Variants in CSMD1 observed in about 807,000 individuals in gnomAD.
CSMD1 encodes CUB and sushi domain-containing protein 1.
In CSMD1, 213 loss-of-function variants were observed where a neutral mutation model predicts 417.5. The ratio of observed to expected loss-of-function variants is 0.51; its 90% CI spans 0.46 to 0.57. CSMD1 has a LOEUF of 0.57. Ranked by LOEUF, CSMD1 falls within the 20% of genes least tolerant of loss-of-function variation. The pLI is 0.00. For missense variants in CSMD1, 6,923 were observed against 4,529.7 expected (o/e 1.53, Z -15.17); for synonymous variants, 2,862 against 1,736.8 (o/e 1.65, Z -16.11).
intron 5 of CSMD1, among the ~76,000 whole-genome samples, chr8:3,982,184 TA>T (rs1563281287): frequency 7.8e-6 from 1 of 128,880 alleles, no homozygotes; most frequent in African/African-American, 2.7e-5. Flanking sequence ...ATAATAATAA[TA>T]ATAATATTAA....
intron 36 of CSMD1, among the ~76,000 whole-genome samples, chr8:3,185,517 G>A (rs1821694731): frequency 6.6e-6 from 1 of 152,100 alleles, no homozygotes; most frequent in Admixed American, 6.5e-5. Flanking sequence ...AGAACATTAG[G>A]TTAAAAACAA....
chr8:3,704,066 A>G (rs1801025298), intron 7 of CSMD1, among the ~76,000 whole-genome samples: 2 of 152,334 alleles, frequency 1.3e-5, no homozygotes, highest in Non-Finnish European at 2.9e-5. Context: ...GTGAAACTCC[A>G]TCTCAAAAAA....
chr8:4,695,492 G>A (rs979500256), intron 1 of CSMD1, among the ~76,000 whole-genome samples: 3 of 152,198 alleles, frequency 2.0e-5, no homozygotes, highest in East Asian at 1.9e-4. Context: ...GATTTATCTC[G>A]ATACCCTAAA....
chr8:4,272,215 G>C (rs1241434197), intron 3 of CSMD1, among the ~76,000 whole-genome samples: 1 of 151,980 alleles, frequency 6.6e-6, no homozygotes, highest in East Asian at 1.9e-4. Context: ...GTACTTTATG[G>C]CTTAGTACTA....
At chr8:3,753,435 T>C (rs1227674404) in intron 6 of CSMD1, among the ~76,000 whole-genome samples, 1 of 152,238 alleles carries the variant, frequency 6.6e-6, no homozygotes. Context: ...CTCCCCATTT[T>C]GCTCAGCTGC....
At chr8:4,681,845 C>T (rs542136319) in intron 1 of CSMD1, among the ~76,000 whole-genome samples, 24 of 152,108 alleles carry the variant, frequency 1.6e-4, no homozygotes, top group South Asian at 1.2e-3. Context: ...TTTTCTCCTC[C>T]GTAAGGTGAG....
intron 12 of CSMD1, among the ~76,000 whole-genome samples, chr8:3,458,206 G>C (rs925411880): frequency 1.3e-5 from 2 of 152,086 alleles, no homozygotes; most frequent in Admixed American, 6.5e-5. Flanking sequence ...AATGTAGCTG[G>C]AGCTAACGGG....
chr8:4,574,077 A>G lies in CSMD1; in HGVS notation c.302+63265T>C, dbSNP rs562368693. On this transcript the variant is annotated intron_variant, in intron 2 of 69. Coordinates refer to ENST00000635120, the MANE Select transcript of CSMD1 (RefSeq NM_033225.6). ...GCTGGACTCCATGGGGGTGGGACCC[A>G]CTGAGCAAGACCACTTGGCTCCCTG... Among the ~76,000 whole-genome samples, 14 of 152,196 alleles carry G rather than the reference A, an allele frequency of 9.2e-5. No individual in the cohort carries two copies. The South Asian group carries it at 2.7e-3, about 29-fold the overall frequency.
chr8:3,403,733 G>A (rs963445704), intron 15 of CSMD1, among the ~76,000 whole-genome samples: 3 of 152,100 alleles, frequency 2.0e-5, no homozygotes, highest in African/African-American at 4.8e-5. Context: ...AGTGAAATAT[G>A]CTTGGCTAGA....
At chr8:2,951,889 T>TA (rs1373209285) in intron 65 of CSMD1, among the ~76,000 whole-genome samples, 1 of 152,188 alleles carries the variant, frequency 6.6e-6, no homozygotes, top group African/African-American at 2.4e-5. Flanking sequence ...ATTCCATGAG[T>TA]AAGAAGAGAT....
intron 1 of CSMD1, among the ~76,000 whole-genome samples, chr8:4,818,279 T>C (rs558309196): frequency 6.6e-4 from 100 of 152,300 alleles, no homozygotes; most frequent in Non-Finnish European, 1.3e-3. Flanking sequence ...CACCCCGATT[T>C]AGTCTAGAAA....
intron 5 of CSMD1, among the ~76,000 whole-genome samples, chr8:3,754,811 G>A (rs1797566296): frequency 6.6e-6 from 1 of 152,264 alleles, no homozygotes; most frequent in African/African-American, 2.4e-5. Flanking sequence ...TGTTTCTCAT[G>A]CTTGGTAACA....
In CSMD1 at chr8:3,407,983, G is replaced by C. The variant is rs1269917142; in HGVS notation, c.1987C>G (p.Leu663Val). 9.9e-6 allele frequency: 16 copies of C among 1,613,764 alleles called. No homozygotes were observed. Among genetic ancestry groups the C allele is most frequent in the Non-Finnish European group, 1.4e-5 (16 of 1,179,872 alleles). ...CGAACTATATGCCCACTGCTGGCCA[G>C]CTGGGAAGGCACTTCATTGCCAGAA... is the stretch of plus-strand genomic sequence containing the variant. ...TFSGNEVPSQ[L>V]ASSGHIVRLE... The change falls in exon 14 of 70, where the codon CTG (leucine) becomes GTG (valine). Residue 663 changes from leucine to valine, a missense_variant. Physicochemically the swap from Leu to Val is conservative, Grantham distance 32. Coordinates refer to ENST00000635120, the MANE Select transcript of CSMD1 (RefSeq NM_033225.6).
intron 26 of CSMD1, among the ~76,000 whole-genome samples, chr8:3,247,120 G>T (rs538128016): frequency 6.6e-6 from 1 of 152,282 alleles, no homozygotes; most frequent in East Asian, 1.9e-4. Flanking sequence ...GAGGTGTCAG[G>T]TGTGATGTCT....
At chr8:3,910,384 A>G (rs1160695829) in intron 5 of CSMD1, among the ~76,000 whole-genome samples, 1 of 152,074 alleles carries the variant, frequency 6.6e-6, no homozygotes, top group Admixed American at 6.6e-5. Context: ...CCAGGAAGAG[A>G]CTCTGAAGAT....
intron 50 of CSMD1, among the ~76,000 whole-genome samples, chr8:3,036,194 T>A (rs1810664150): frequency 6.6e-6 from 1 of 152,238 alleles, no homozygotes; most frequent in Non-Finnish European, 1.5e-5. Context: ...TTCTGATTTA[T>A]TATAGACTCA....
At chr8:3,235,710 A>G (rs922644120) in intron 26 of CSMD1, among the ~76,000 whole-genome samples, 1 of 152,192 alleles carries the variant, frequency 6.6e-6, no homozygotes, top group South Asian at 2.1e-4. Context: ...TAGTGGTTAC[A>G]TGTCCTTTCA....
intron 3 of CSMD1, among the ~76,000 whole-genome samples, chr8:4,346,504 A>G (rs1800785299): frequency 2.0e-5 from 3 of 152,056 alleles, no homozygotes; most frequent in African/African-American, 7.2e-5. Context: ...TCATGACATT[A>G]TTGTCTAAAC....
intron 1 of CSMD1, among the ~76,000 whole-genome samples, chr8:4,955,512 G>C (rs1809039361): frequency 6.6e-6 from 1 of 151,664 alleles, no homozygotes; most frequent in Admixed American, 6.6e-5. Flanking sequence ...CTGGAGTGCA[G>C]TGGCATGATC....
Sources: allele counts gnomAD v4.1 joint callset (sites outside exome capture counted in the v4.1 genomes callset), GRCh38; gene constraint gnomAD v4.1.1; transcripts MANE v1.5; gene names NCBI Gene and HGNC (gene_info 2026-07-23, HGNC 2026-07-21).